The following SEMA6D variants were observed in gnomAD, a reference collection of about 807,000 sequenced individuals.
SEMA6D encodes semaphorin-6D.
Under a neutral mutation model 106.6 loss-of-function variants are expected in SEMA6D, and 35 were observed. The ratio of observed to expected loss-of-function variants is 0.33; its 90% CI spans 0.25 to 0.44. The LOEUF (loss-of-function observed/expected upper bound fraction) is 0.44. Ranked by LOEUF, SEMA6D falls within the 20% of genes least tolerant of loss-of-function variation. The pLI is 1.00. For synonymous variants in SEMA6D, 499 were observed against 487.7 expected (o/e 1.02, Z -0.31); for missense variants, 1,185 against 1,345.9 (o/e 0.88, Z 1.87).
chr15:47,573,665 C>T (rs1045944725), intron 3 of SEMA6D, among the ~76,000 whole-genome samples: 3 of 152,152 alleles, frequency 2.0e-5, no homozygotes, highest in Non-Finnish European at 2.9e-5. Flanking sequence ...ATTAATCTTC[C>T]TAAATTGCCA....
chr15:47,191,046 G>A (rs1298424343), intron 1 of SEMA6D, among the ~76,000 whole-genome samples: 4 of 151,924 alleles, frequency 2.6e-5, no homozygotes, highest in Admixed American at 2.0e-4. Context: ...AGTCATACAC[G>A]CCTGTACTCC....
chr15:47,771,013 C>T lies in SEMA6D; in HGVS notation c.2450C>T (p.Ser817Phe). 6.2e-7 allele frequency: 1 copy of T among 1,614,116 alleles called. No homozygotes were observed. The highest frequency in any genetic ancestry group is 8.5e-7 in the Non-Finnish European group (1 of 1,180,000). The change falls in exon 19 of 19, where the codon TCC (serine) becomes TTC (phenylalanine). Residue 817 changes from serine to phenylalanine, a missense_variant. Around this residue, in one of 3 missense-constraint regions of SEMA6D, gnomAD observed 750 missense variants for 783.5 expected, o/e 0.96. Coordinates refer to ENST00000536845, the MANE Select transcript of SEMA6D (RefSeq NM_001358351.3). Reference sequence around the variant, plus strand: ...TTTCCGTCTAGTCCGCCACCTCATTCCCCATTAAGTCATGGGCATATCCCC... The same window carrying T: ...TTTCCGTCTAGTCCGCCACCTCATTTCCCATTAAGTCATGGGCATATCCCC... ...QFFPSSPPPHSPLSHGHIPSA... is the reference protein window; with the variant it reads ...QFFPSSPPPHFPLSHGHIPSA...
At chr15:47,543,613 G>T (rs2045425255) in intron 3 of SEMA6D, among the ~76,000 whole-genome samples, 1 of 152,004 alleles carries the variant, frequency 6.6e-6, no homozygotes, top group African/African-American at 2.4e-5. Context: ...CTAAATTTTA[G>T]TCTACACCTA....
intron 4 of SEMA6D, among the ~76,000 whole-genome samples, chr15:47,604,348 C>A (rs1006173303): frequency 2.6e-5 from 4 of 152,270 alleles, no homozygotes; most frequent in Middle Eastern, 3.4e-3. Flanking sequence ...ACTCTACAAT[C>A]CATCCGGTCC....
At chr15:47,449,986 A>G (rs1359584999) in intron 2 of SEMA6D, among the ~76,000 whole-genome samples, 2 of 152,172 alleles carry the variant, frequency 1.3e-5, no homozygotes, top group East Asian at 1.9e-4. Context: ...GACTTCCACA[A>G]CTGTGATCCT....
intron 1 of SEMA6D, among the ~76,000 whole-genome samples, chr15:47,385,216 T>A (rs1034191881): frequency 6.6e-6 from 1 of 152,046 alleles, no homozygotes; most frequent in African/African-American, 2.4e-5. Context: ...AAACAGAACA[T>A]TGTAATAAAG....
chr15:47,436,865 T>G (rs1417585325), intron 2 of SEMA6D, among the ~76,000 whole-genome samples: 1 of 148,854 alleles, frequency 6.7e-6, no homozygotes, highest in Non-Finnish European at 1.5e-5. Context: ...ACCCAGAAGG[T>G]TGAGGTTGCA....
intron 1 of SEMA6D, among the ~76,000 whole-genome samples, chr15:47,320,206 T>C (rs1024916284): frequency 6.6e-6 from 1 of 152,172 alleles, no homozygotes; most frequent in Non-Finnish European, 1.5e-5. Flanking sequence ...GATATCTCTG[T>C]AGGGATGCTC....
At chr15:47,487,785 A>C (rs1375707077) in intron 3 of SEMA6D, among the ~76,000 whole-genome samples, 1 of 152,218 alleles carries the variant, frequency 6.6e-6, no homozygotes, top group East Asian at 1.9e-4. Context: ...CACACATGCA[A>C]GTATTTCCCT....
intron 3 of SEMA6D, among the ~76,000 whole-genome samples, chr15:47,484,516 G>A (rs2043240746): frequency 6.6e-6 from 1 of 152,090 alleles, no homozygotes. Context: ...TGTTTCAGAG[G>A]CCACACAGCA....
At chr15:47,198,097 A>G (rs1264207731) in intron 1 of SEMA6D, among the ~76,000 whole-genome samples, 1 of 152,110 alleles carries the variant, frequency 6.6e-6, no homozygotes, top group Non-Finnish European at 1.5e-5. Flanking sequence ...TCCATTGTGT[A>G]TATACCTCAT....
intron 4 of SEMA6D, chr15:47,603,759 G>A (rs372285019): frequency 6.6e-6 from 1 of 151,834 alleles, no homozygotes; most frequent in East Asian, 1.9e-4. Context: ...GATTCCTGCA[G>A]CCCTTGCAAT....
chr15:47,544,908 A>G (rs1190546611), intron 3 of SEMA6D, among the ~76,000 whole-genome samples: 1 of 152,136 alleles, frequency 6.6e-6, no homozygotes, highest in African/African-American at 2.4e-5. Context: ...ATGAATGGCT[A>G]TGTTGATCAA....
intron 1 of SEMA6D, among the ~76,000 whole-genome samples, chr15:47,753,614 A>G (rs1308338329): frequency 6.6e-6 from 1 of 152,222 alleles, no homozygotes; most frequent in Non-Finnish European, 1.5e-5. Context: ...TTAGCATCAG[A>G]GCACACAATG....
At chr15:47,441,288 T>C (rs546937133) in intron 2 of SEMA6D, among the ~76,000 whole-genome samples, 65 of 152,116 alleles carry the variant, frequency 4.3e-4, no homozygotes, top group African/African-American at 1.5e-3. Flanking sequence ...AAAAATACCA[T>C]CTGGAAGGTG....
intron 1 of SEMA6D, among the ~76,000 whole-genome samples, chr15:47,246,452 G>C (rs924095528): frequency 2.0e-5 from 3 of 152,168 alleles, no homozygotes; most frequent in African/African-American, 7.2e-5. Context: ...TTGTAGACTA[G>C]AAGTTCAACA....
intron 1 of SEMA6D, among the ~76,000 whole-genome samples, chr15:47,336,514 G>A (rs1169154647): frequency 1.3e-5 from 2 of 152,146 alleles, no homozygotes; most frequent in Non-Finnish European, 2.9e-5. Context: ...CACTAGAGGT[G>A]CATTTACTAC....
intron 1 of SEMA6D, among the ~76,000 whole-genome samples, chr15:47,726,246 A>G (rs1232750993): frequency 6.6e-6 from 1 of 152,264 alleles, no homozygotes; most frequent in African/African-American, 2.4e-5. Context: ...AGCACTTCAA[A>G]TATGTTATCT....
chr15:47,577,765 A>G (rs1365026211), intron 3 of SEMA6D, among the ~76,000 whole-genome samples: 2 of 152,218 alleles, frequency 1.3e-5, no homozygotes, highest in African/African-American at 2.4e-5. Flanking sequence ...CTTCTCTTGA[A>G]GTCAGAAAGT....
Sources: allele counts gnomAD v4.1 joint callset (sites outside exome capture counted in the v4.1 genomes callset), GRCh38; gene constraint gnomAD v4.1.1; regional missense constraint gnomAD v4.1.1; transcripts MANE v1.5; gene names NCBI Gene and HGNC (gene_info 2026-07-23, HGNC 2026-07-21).